The following POLR1D variants were observed in gnomAD, a reference collection of about 807,000 sequenced individuals.
The protein encoded by POLR1D is DNA-directed RNA polymerases I and III subunit RPAC2.
A neutral mutation model predicts 10.8 loss-of-function variants in POLR1D; 8 were observed. The observed-to-expected ratio is 0.74, with a 90% confidence interval of 0.43 to 1.33. POLR1D has a LOEUF of 1.33. Ranked by LOEUF, POLR1D falls within the 40% of genes most tolerant of loss-of-function variation. POLR1D has a pLI of 0.01. For missense variants in POLR1D, 152 were observed against 161.7 expected (o/e 0.94, Z 0.32); for synonymous variants, 54 against 57.2 (o/e 0.94, Z 0.25).
intron 1 of POLR1D, among the ~76,000 whole-genome samples, chr13:27,638,838 T>C (rs1357420227): frequency 2.2e-4 from 34 of 152,142 alleles, no homozygotes; most frequent in Admixed American, 2.2e-3. Context: ...TTTGGTGAGG[T>C]GATTTTTCTG....
At position 27,653,873 on chromosome 13, in the gene POLR1D, A is replaced by T. The variant is rs527277726; in HGVS notation, c.101+5420A>T. On this transcript the variant is annotated intron_variant, in intron 2 of 2. Transcript: ENST00000399697. ...CTGCTTCTGAATTCGATCTATTGTA[A>T]TGTGTTATTTTGGCTGAAGTATGTG... Among the ~76,000 whole-genome samples, 22 of 152,290 alleles carry T rather than the reference A, an allele frequency of 1.4e-4. No individual in the cohort carries two copies. The East Asian group carries it at 3.7e-3, about 25-fold the overall frequency.
intron 1 of POLR1D, among the ~76,000 whole-genome samples, chr13:27,629,339 T>C (rs375824150): frequency 2.0e-5 from 3 of 152,298 alleles, no homozygotes; most frequent in Non-Finnish European, 4.4e-5. Flanking sequence ...CTTCTGCAAA[T>C]TGGGATAACA....
At chr13:27,627,750 T>TG (rs1491491479), downstream of POLR1D, among the ~76,000 whole-genome samples, 2 of 144,682 alleles carry the variant, frequency 1.4e-5, no homozygotes, top group South Asian at 2.2e-4. Flanking sequence ...TTTTTTTTTT[T>TG]GTCCCATGCC....
chr13:27,649,324 A>T (rs1385475456), intron 2 of POLR1D, among the ~76,000 whole-genome samples: 1 of 152,222 alleles, frequency 6.6e-6, no homozygotes, highest in Non-Finnish European at 1.5e-5. Flanking sequence ...AATGGAAAAG[A>T]TAATACCTAA....
intron 2 of POLR1D, chr13:27,664,794 G>A (rs897575705): frequency 6.6e-6 from 1 of 152,118 alleles, no homozygotes; most frequent in African/African-American, 2.4e-5. Flanking sequence ...TTCTACATTC[G>A]TTTTTGTTTA....
chr13:27,629,877 T>C (rs1242059913), intron 1 of POLR1D, among the ~76,000 whole-genome samples: 1 of 152,184 alleles, frequency 6.6e-6, no homozygotes, highest in Admixed American at 6.5e-5. Context: ...GGTCAGTTGA[T>C]TGTAAAAACT....
At chr13:27,626,565 C>T (rs1390500387), downstream of POLR1D, among the ~76,000 whole-genome samples, 1 of 151,992 alleles carries the variant, frequency 6.6e-6, no homozygotes, top group Non-Finnish European at 1.5e-5. Flanking sequence ...TGAGTTGGTC[C>T]AAAAAGGACT....
At chr13:27,634,380 C>A (rs507217) in intron 1 of POLR1D, among the ~76,000 whole-genome samples, 75,055 of 151,892 alleles carry the variant, frequency 0.49, 20,993 homozygotes, top group East Asian at 0.82. Flanking sequence ...ATAAGTTGGT[C>A]CCCATCGGAG....
At chr13:27,661,831 C>T (rs1956367455) in intron 2 of POLR1D, among the ~76,000 whole-genome samples, 2 of 152,114 alleles carry the variant, frequency 1.3e-5, no homozygotes, top group Admixed American at 1.3e-4. Context: ...CTACTTCAAC[C>T]GTTAGTTTTA....
At chr13:27,646,524 A>T (rs576254398) in intron 1 of POLR1D, among the ~76,000 whole-genome samples, 58 of 152,336 alleles carry the variant, frequency 3.8e-4, no homozygotes, top group Non-Finnish European at 5.9e-4. Flanking sequence ...GAGGGAGTCA[A>T]CATGTCAGTA....
chr13:27,665,876 C>T lies in POLR1D; in HGVS notation c.292C>T (p.Arg98Ter), dbSNP rs779448999. The T allele has an allele frequency of 8.1e-6, 13 of 1,613,984 alleles. No homozygotes were observed. The highest frequency in any genetic ancestry group is 1.3e-5 in the African/African-American group (1 of 74,928). ...TCCTTACAAGCACAGCTTCCGCGCT[C>T]GAGGTTCCGCCAGTTACTCCCCGCC... The change falls in exon 3 of 3, where the codon CGA becomes TGA. Residue 98 changes from arginine (R) to a stop codon, truncating the protein, a stop_gained. Coordinates refer to the POLR1D transcript ENST00000399697. LOFTEE classifies it low-confidence loss of function (END_TRUNC).
At chr13:27,633,020 C>G (rs116317999) in intron 1 of POLR1D, among the ~76,000 whole-genome samples, 3,048 of 152,266 alleles carry the variant, frequency 0.02, 108 homozygotes, top group African/African-American at 0.07. Flanking sequence ...TGTGTGTCTT[C>G]AACTCCATAG....
chr13:27,629,267 C>T (rs534625427), intron 1 of POLR1D, among the ~76,000 whole-genome samples: 100 of 152,292 alleles, frequency 6.6e-4, no homozygotes, highest in African/African-American at 2.3e-3. Flanking sequence ...TTGATCCTGG[C>T]TCTAGACGTT....
At chr13:27,664,223 T>C (rs1392079961) in intron 2 of POLR1D, among the ~76,000 whole-genome samples, 1 of 152,212 alleles carries the variant, frequency 6.6e-6, no homozygotes, top group Non-Finnish European at 1.5e-5. Context: ...ACCTTGAGAC[T>C]ACTAAGGCAG....
At chr13:27,637,376 C>G (rs898002261) in intron 1 of POLR1D, among the ~76,000 whole-genome samples, 1 of 152,250 alleles carries the variant, frequency 6.6e-6, no homozygotes, top group East Asian at 1.9e-4. Flanking sequence ...TTGCATTGTA[C>G]CAGAGCTCTA....
Position 27,629,683 on chromosome 13 carries a change from G to A in POLR1D, c.26+7674G>A, listed in dbSNP as rs148875435. On this transcript the variant is annotated intron_variant, in intron 1 of 2. Transcript: ENST00000399697. The stretch of plus-strand genomic sequence containing the variant: ...TCTTATTAATAGGATATAGAGAAAA[G>A]TCGCAGACAAATTGTGTTTCTCCTC... Among the ~76,000 whole-genome samples the A allele has an allele frequency of 1.8e-3, 271 of 151,986 alleles. 2 individuals carry two copies. Among genetic ancestry groups the A allele is most frequent in the African/African-American group, 6.2e-3 (258 of 41,562 alleles).
At chr13:27,622,097 G>T (rs1955941140) in intron 1 of POLR1D, 88 bp downstream of exon 1, 2 of 1,113,942 alleles carry the variant, frequency 1.8e-6, no homozygotes, top group Non-Finnish European at 2.7e-6. Context: ...TGGCAGCCGG[G>T]GCCTGACTCG....
At chr13:27,632,936 A>C (rs1267241075) in intron 1 of POLR1D, among the ~76,000 whole-genome samples, 1 of 152,214 alleles carries the variant, frequency 6.6e-6, no homozygotes, top group Non-Finnish European at 1.5e-5. Flanking sequence ...TAAATACCCC[A>C]AGAGCTGAAC....
At chr13:27,664,840 C>T (rs1956399499) in intron 2 of POLR1D, 1 of 152,166 alleles carries the variant, frequency 6.6e-6, no homozygotes, top group East Asian at 1.9e-4. Context: ...TTTTGAGAAT[C>T]AGCATACTCC....
Sources: allele counts gnomAD v4.1 joint callset (sites outside exome capture counted in the v4.1 genomes callset), GRCh38; gene constraint gnomAD v4.1.1; transcripts MANE v1.5; gene names NCBI Gene and HGNC (gene_info 2026-07-23, HGNC 2026-07-21).